The following SLC24A3 variants were observed in gnomAD, a reference collection of about 807,000 sequenced individuals.
SLC24A3 encodes sodium/potassium/calcium exchanger 3.
Under a neutral mutation model 75.8 loss-of-function variants are expected in SLC24A3, and 28 were observed. The ratio of observed to expected loss-of-function variants is 0.37; its 90% CI spans 0.27 to 0.51. The LOEUF (loss-of-function observed/expected upper bound fraction) is 0.51. Ranked by LOEUF, SLC24A3 falls within the 20% of genes least tolerant of loss-of-function variation. The pLI is 0.94. For missense variants in SLC24A3, 663 were observed against 847.8 expected (o/e 0.78, Z 2.71); for synonymous variants, 372 against 334.1 (o/e 1.11, Z -1.24).
At chr20:19,684,493 G>A (rs1304890506) in intron 11 of SLC24A3, among the ~76,000 whole-genome samples, 157 bp downstream of exon 11, 1 of 152,148 alleles carries the variant, frequency 6.6e-6, no homozygotes, top group Non-Finnish European at 1.5e-5. Flanking sequence ...TGGGCCAGCT[G>A]TATATCTGGC....
Position 19,216,450 on chromosome 20 carries a change from A to T in SLC24A3, c.142+3466A>T, listed in dbSNP as rs543064859. ...ATAGTAAGACCCCATCTCTTAAAAAATTTTTTTTAATTAGCTGGGTGTGGT... is the reference window on the plus strand; with the variant it reads ...ATAGTAAGACCCCATCTCTTAAAAATTTTTTTTTAATTAGCTGGGTGTGGT... On this transcript the variant is annotated intron_variant, in intron 1 of 16. Transcript: ENST00000328041. Among the ~76,000 whole-genome samples, 304 of 152,030 alleles carry T rather than the reference A, an allele frequency of 2.0e-3. 8 individuals carry two copies. In the South Asian group the frequency reaches 0.059, roughly 30 times the overall value.
chr20:19,503,652 G>A (rs370217021), intron 2 of SLC24A3, among the ~76,000 whole-genome samples: 10 of 152,276 alleles, frequency 6.6e-5, no homozygotes, highest in African/African-American at 2.2e-4. Context: ...AGGTGGCCAG[G>A]ACCAAAACTG....
chr20:19,430,334 C>T (rs913083615), intron 2 of SLC24A3, among the ~76,000 whole-genome samples: 4 of 152,124 alleles, frequency 2.6e-5, no homozygotes, highest in Non-Finnish European at 5.9e-5. Context: ...TCCCTTGGCT[C>T]ACCGCTCAGG....
chr20:19,343,605 A>G (rs1001601971), intron 2 of SLC24A3, among the ~76,000 whole-genome samples: 2 of 152,144 alleles, frequency 1.3e-5, no homozygotes, highest in Non-Finnish European at 2.9e-5. Flanking sequence ...TTCATGGAGT[A>G]CAGGGTCTCT....
rs539816259 is a variant in SLC24A3 at position 19,306,765 on chromosome 20, TG to T, written c.271+25681del. On this transcript the variant is annotated intron_variant, in intron 2 of 16. Coordinates refer to ENST00000328041, the MANE Select transcript of SLC24A3 (RefSeq NM_020689.4). ...CTAATCAGTTACTCTATTCACTACC[TG>T]GGTGACAGTATCATTCATACACCAA... is the stretch of plus-strand genomic sequence containing the variant. Among the ~76,000 whole-genome samples the T allele has an allele frequency of 8.4e-4, 128 of 152,298 alleles. 1 individual carries two copies. Among genetic ancestry groups the T allele is most frequent in the African/African-American group, 3.0e-3 (123 of 41,568 alleles).
intron 7 of SLC24A3, among the ~76,000 whole-genome samples, chr20:19,662,663 T>G (rs1246399988): frequency 6.6e-6 from 1 of 152,252 alleles, no homozygotes; most frequent in Non-Finnish European, 1.5e-5. Flanking sequence ...TCTACACTAG[T>G]AATACTTATC....
At chr20:19,275,918 C>A (rs1279613019) in intron 1 of SLC24A3, among the ~76,000 whole-genome samples, 1 of 152,162 alleles carries the variant, frequency 6.6e-6, no homozygotes, top group Non-Finnish European at 1.5e-5. Flanking sequence ...TCATCCCCTA[C>A]CCCTCCCCTG....
intron 3 of SLC24A3, among the ~76,000 whole-genome samples, chr20:19,542,815 A>T (rs1204029431): frequency 6.6e-6 from 1 of 152,138 alleles, no homozygotes; most frequent in Non-Finnish European, 1.5e-5. Flanking sequence ...TCAGAAGACA[A>T]CCATACACCA....
chr20:19,321,401 C>A (rs1213805651), intron 2 of SLC24A3, among the ~76,000 whole-genome samples: 1 of 152,148 alleles, frequency 6.6e-6, no homozygotes, highest in African/African-American at 2.4e-5. Context: ...CTGAGCACTG[C>A]ACTTAGCACT....
intron 3 of SLC24A3, among the ~76,000 whole-genome samples, chr20:19,521,372 CT>C (rs2030095218): frequency 6.6e-6 from 1 of 152,220 alleles, no homozygotes; most frequent in Non-Finnish European, 1.5e-5. Flanking sequence ...TTGACTCCCC[CT>C]GGGTCAGGTC....
At chr20:19,242,601 G>T (rs560910424) in intron 1 of SLC24A3, 1 of 152,096 alleles carries the variant, frequency 6.6e-6, no homozygotes, top group African/African-American at 2.4e-5. Flanking sequence ...TTAAAGAAAT[G>T]GTTAATCATG....
chr20:19,603,497 T>A (rs1341129974), intron 6 of SLC24A3, among the ~76,000 whole-genome samples: 1 of 152,210 alleles, frequency 6.6e-6, no homozygotes, highest in African/African-American at 2.4e-5. Flanking sequence ...ATGGACTCCA[T>A]AAATAGTCCG....
At chr20:19,274,437 G>A (rs897781130) in intron 1 of SLC24A3, among the ~76,000 whole-genome samples, 1 of 152,052 alleles carries the variant, frequency 6.6e-6, no homozygotes, top group African/African-American at 2.4e-5. Context: ...TTAGCCTCTG[G>A]CTTCCTCCTC....
At position 19,609,284 on chromosome 20, in the gene SLC24A3, C is replaced by G. The variant is rs1328927621; in HGVS notation, c.612+23740C>G. Among the ~76,000 whole-genome samples the G allele has an allele frequency of 5.9e-5, 9 of 151,412 alleles. No individual in the cohort carries two copies. In the East Asian group the frequency reaches 1.7e-3, roughly 29 times the overall value. ...CACCAAGGAACAATTAACTTGGTGG[C>G]AGGACATGGTTGCTCTTATAACCTG... On this transcript the variant is annotated intron_variant, in intron 6 of 16. Transcript: ENST00000328041.
chr20:19,428,343 A>G (rs967821191), intron 2 of SLC24A3, among the ~76,000 whole-genome samples: 6 of 152,112 alleles, frequency 3.9e-5, no homozygotes, highest in Admixed American at 6.6e-5. Context: ...ACAGCACTCA[A>G]TCGACACCGT....
chr20:19,495,088 T>C (rs1047708754), intron 2 of SLC24A3, among the ~76,000 whole-genome samples: 1 of 152,174 alleles, frequency 6.6e-6, no homozygotes, highest in Non-Finnish European at 1.5e-5. Context: ...AGCTGGCCTT[T>C]GTACCCTAGT....
intron 2 of SLC24A3, among the ~76,000 whole-genome samples, chr20:19,376,043 C>T (rs1055927550): frequency 6.6e-5 from 10 of 152,060 alleles, no homozygotes; most frequent in African/African-American, 2.4e-4. Flanking sequence ...AACTACTTAT[C>T]AAAGTAAGAT....
At chr20:19,602,783 AT>A in intron 6 of SLC24A3, among the ~76,000 whole-genome samples, 1 of 152,302 alleles carries the variant, frequency 6.6e-6, no homozygotes, top group East Asian at 1.9e-4. Context: ...TCCAAACCAG[AT>A]GGCAAAGGCA....
At chr20:19,389,831 C>T (rs1443759611) in intron 2 of SLC24A3, among the ~76,000 whole-genome samples, 1 of 152,130 alleles carries the variant, frequency 6.6e-6, no homozygotes, top group East Asian at 1.9e-4. Flanking sequence ...TAGCCTCTTG[C>T]TCTTTCTGTG....
Sources: gnomAD v4.1 joint callset for allele counts (sites outside exome capture counted in the v4.1 genomes callset) on GRCh38, gnomAD v4.1.1 for gene constraint, MANE v1.5 for transcripts, NCBI Gene and HGNC (gene_info 2026-07-23, HGNC 2026-07-21) for gene names.